EVC: variants seen among roughly 807,000 people sequenced by gnomAD.
The protein encoded by EVC is evC complex member EVC.
A neutral mutation model predicts 118.9 loss-of-function variants in EVC; 116 were observed. The observed-to-expected ratio is 0.98, with a 90% CI of 0.84 to 1.14. EVC has a LOEUF of 1.14. EVC is among the 50% of genes most tolerant of loss of function. The probability of loss-of-function intolerance (pLI) is 0.00; values close to 1 mark genes in which losing one functional copy is unlikely to be tolerated. For synonymous variants in EVC, 619 were observed against 534.7 expected, an observed-to-expected ratio of 1.16 and a Z score of -2.18; for missense variants, 1,401 against 1,246.4, an observed-to-expected ratio of 1.12 and a Z score of -1.87.
chr4:5,808,136 T>TACCAA (rs2152386615), intron 17 of EVC, 65 bp from the exon 18 acceptor site: 11 of 306,554 alleles, frequency 3.6e-5, no homozygotes, highest in East Asian at 1.6e-4. Flanking sequence ...TCCTTCTCCC[T>TACCAA]CCCTCCCTCC....
At chr4:5,802,196 G>A (rs1214512862) in intron 16 of EVC, 102 bp downstream of exon 16, 2 of 1,461,388 alleles carry the variant, frequency 1.4e-6, no homozygotes, top group Admixed American at 3.6e-5. Flanking sequence ...TTATTTTTGG[G>A]AATATAATTA....
intron 16 of EVC, among the ~76,000 whole-genome samples, chr4:5,803,059 C>T (rs774575495): frequency 8.5e-5 from 13 of 152,208 alleles, no homozygotes; most frequent in African/African-American, 2.2e-4. Context: ...AGAATTTTCC[C>T]GCATGGGCTC....
intron 7 of EVC, 150 bp downstream of exon 7, chr4:5,745,491 C>A: frequency 1.3e-6 from 1 of 784,246 alleles, no homozygotes; most frequent in Non-Finnish European, 2.1e-6. Flanking sequence ...GTTTCTGATG[C>A]TAAGTGATAG....
intron 2 of EVC, among the ~76,000 whole-genome samples, chr4:5,721,581 C>T (rs1465004201): frequency 1.3e-5 from 2 of 152,094 alleles, no homozygotes; most frequent in Non-Finnish European, 2.9e-5. Flanking sequence ...CTAAAGTTGA[C>T]GATAGGCTGG....
intron 6 of EVC, among the ~76,000 whole-genome samples, chr4:5,744,604 A>G (rs1016490138): frequency 6.6e-6 from 1 of 152,172 alleles, no homozygotes; most frequent in African/African-American, 2.4e-5. Context: ...ATGGCTTCCT[A>G]ATACTGAATC....
Position 5,733,528 on chromosome 4 carries a change from A to T in EVC, c.702+93A>T. On this transcript the variant is annotated intron_variant, in intron 5 of 20. Transcript: ENST00000264956. ...GCAGTGAGTCCCAGAGACCCTTGAG[A>T]GGCAGACATCAGTGGAAACAGAGCC... 4 of 1,096,156 alleles carry T rather than the reference A, an allele frequency of 3.6e-6. No homozygotes were observed. In the South Asian group the frequency reaches 5.0e-5, roughly 14 times the overall value. The allele number at this position is 1,096,156 out of a possible 1,614,324, so 67.9% of individuals were successfully genotyped here.
chr4:5,753,531 A>G (rs1012457454), intron 9 of EVC, among the ~76,000 whole-genome samples: 1 of 150,214 alleles, frequency 6.7e-6, no homozygotes, highest in Non-Finnish European at 1.5e-5. Context: ...TGTCCCACAC[A>G]TGCTCCTGCC....
intron 18 of EVC, among the ~76,000 whole-genome samples, chr4:5,808,878 G>A (rs1230954909): frequency 6.6e-6 from 1 of 152,210 alleles, no homozygotes; most frequent in Non-Finnish European, 1.5e-5. Flanking sequence ...CTTCCAGAAT[G>A]GAAGCATTTA....
At position 5,802,031 on chromosome 4, in the gene EVC, C is replaced by T; in HGVS notation, c.2386C>T (p.Gln796Ter). Residue 796 changes from glutamine (Q) to a stop codon, truncating the protein, a stop_gained, in exon 16 of 21, where the codon CAA (glutamine) becomes TAA (stop). Coordinates refer to ENST00000264956, the MANE Select transcript of EVC (RefSeq NM_153717.3). LOFTEE classifies it high-confidence loss of function. ...VSRLVQAYYQ[Q>*]IGRIMEDHEE... ...CCGCCTGGTGCAGGCGTATTACCAGCAAATCGGAAGGATCATGGAGGACCA... is the reference window on the plus strand; with the variant it reads ...CCGCCTGGTGCAGGCGTATTACCAGTAAATCGGAAGGATCATGGAGGACCA... The T allele has an allele frequency of 6.2e-7, 1 of 1,614,210 alleles. No homozygotes were observed. Among genetic ancestry groups the T allele is most frequent in the Non-Finnish European group, 8.5e-7 (1 of 1,180,036 alleles).
chr4:5,781,658 A>G (rs1027276346), intron 11 of EVC, among the ~76,000 whole-genome samples: 8 of 152,094 alleles, frequency 5.3e-5, no homozygotes, highest in African/African-American at 1.9e-4. Context: ...GCAACACAGC[A>G]AAACCTCATC....
At chr4:5,770,982 A>C (rs1466556486) in intron 11 of EVC, among the ~76,000 whole-genome samples, 2 of 151,578 alleles carry the variant, frequency 1.3e-5, no homozygotes, top group Non-Finnish European at 2.9e-5. Context: ...ATTGCACTCC[A>C]GCCTGGGTGA....
In EVC at chr4:5,737,192, A is replaced by G. The variant is rs1727826101; in HGVS notation, c.702+3757A>G. Among the ~76,000 whole-genome samples the G allele has an allele frequency of 6.6e-6, 1 of 152,208 alleles. No homozygotes were observed. The highest frequency in any genetic ancestry group is 1.5e-5 in the Non-Finnish European group (1 of 68,048). On this transcript the variant is annotated intron_variant, in intron 5 of 20. Transcript: ENST00000264956. This position sits in a 1 kb window ranked among gnomAD's most constrained non-coding sequence, Gnocchi z 5.0. ...AAGCCAAAGCCTAATCCAGAGCAAT[A>G]CTCTAACTCTCTTCAATTCTGTGAG...
rs777159160 is a variant in EVC, at chr4:5,752,800, C to T, written c.1099-36C>T. ...TAACATGCCCTGGTGGTTCCCAGGACACCCCAGCTATGGTCCTGTGTGTTT... is the reference window on the plus strand; with the variant it reads ...TAACATGCCCTGGTGGTTCCCAGGATACCCCAGCTATGGTCCTGTGTGTTT... On this transcript the variant is annotated intron_variant, in intron 8 of 20. Coordinates refer to ENST00000264956, the MANE Select transcript of EVC (RefSeq NM_153717.3). 2.5e-6 allele frequency: 4 copies of T among 1,605,004 alleles called. No individual in the cohort carries two copies. In the South Asian group the frequency reaches 3.3e-5, roughly 13 times the overall value.
At chr4:5,726,402 C>A (rs1725816143) in intron 2 of EVC, among the ~76,000 whole-genome samples, 3 of 152,000 alleles carry the variant, frequency 2.0e-5, no homozygotes, top group Admixed American at 6.6e-5. Context: ...GTGAGGATGA[C>A]CCAAGAGGAG....
intron 12 of EVC, among the ~76,000 whole-genome samples, chr4:5,793,126 G>A (rs1232653701): frequency 3.3e-5 from 5 of 152,088 alleles, no homozygotes; most frequent in African/African-American, 7.2e-5. Flanking sequence ...ACCTACCCTC[G>A]CTGCATTGAT....
chr4:5,797,188 T>G lies in EVC; in HGVS notation c.2053T>G (p.Ser685Ala). The G allele has an allele frequency of 6.2e-7, 1 of 1,612,992 alleles. No individual in the cohort carries two copies. Among genetic ancestry groups the G allele is most frequent in the Non-Finnish European group, 8.5e-7 (1 of 1,179,934 alleles). Residue 685 changes from serine to alanine, a missense_variant, in exon 14 of 21, where the codon TCC becomes GCC. Physicochemically the swap from Ser to Ala is moderately conservative, Grantham distance 99. Transcript: ENST00000264956. The part of the protein sequence containing the change: ...REQRALEQGS[S>A]QCLDEHQWQL... ...ACAGCGTGCACTGGAGCAGGGGTCCTCCCAGTGCCTGGACGAGCATCAGTG... is the reference window on the plus strand; with the variant it reads ...ACAGCGTGCACTGGAGCAGGGGTCCGCCCAGTGCCTGGACGAGCATCAGTG...
At chr4:5,785,287 A>G (rs1331325555) in intron 12 of EVC, among the ~76,000 whole-genome samples, 1 of 152,222 alleles carries the variant, frequency 6.6e-6, no homozygotes, top group Admixed American at 6.5e-5. Context: ...AGTCTCAGAC[A>G]GCCCTGAGCC....
At chr4:5,799,797 A>G (rs1714648422) in intron 15 of EVC, among the ~76,000 whole-genome samples, 2 of 152,170 alleles carry the variant, frequency 1.3e-5, no homozygotes, top group African/African-American at 4.8e-5. Context: ...ACATTTCTGC[A>G]ACACCCTGTC....
intron 8 of EVC, among the ~76,000 whole-genome samples, chr4:5,752,366 C>T (rs796976313): frequency 4.7e-4 from 71 of 152,240 alleles, no homozygotes; most frequent in African/African-American, 1.6e-3. Context: ...GGAAGCCAAT[C>T]ATTCCCCTGA....
Sources: gnomAD v4.1 joint callset for allele counts (sites outside exome capture counted in the v4.1 genomes callset) on GRCh38, gnomAD v4.1.1 for gene constraint, Gnocchi (gnomAD v3.1) non-coding constraint, MANE v1.5 for transcripts, NCBI Gene and HGNC (gene_info 2026-07-23, HGNC 2026-07-21) for gene names.